The following LOC128706665 variants were observed in gnomAD, a reference collection of about 807,000 sequenced individuals.
chr20:10,433,781 G>A, the LOC128706665 span, among the ~76,000 whole-genome samples: 12 of 152,264 alleles, frequency 7.9e-5, no homozygotes, highest in African/African-American at 2.6e-4. Flanking sequence ...GGGAGGGGAC[G>A]GGGAGTCACA....
At chr20:10,428,843 CAATA>C in the LOC128706665 span, among the ~76,000 whole-genome samples, 98,534 of 150,978 alleles carry the variant, frequency 0.65, 32,612 homozygotes, top group Middle Eastern at 0.71. Context: ...GACTCCGTCT[CAATA>C]AATAAATAAA....
chr20:10,433,727 G>C, the LOC128706665 span, among the ~76,000 whole-genome samples: 1 of 152,114 alleles, frequency 6.6e-6, no homozygotes, highest in Non-Finnish European at 1.5e-5. Context: ...GGTACACCGT[G>C]CACCCTCCAG....
the LOC128706665 span, among the ~76,000 whole-genome samples, chr20:10,432,939 G>A: frequency 6.6e-6 from 1 of 152,098 alleles, no homozygotes; most frequent in South Asian, 2.1e-4. Context: ...CAGTGTTTAG[G>A]GAATGACAAG....
chr20:10,413,792 A>T, the LOC128706665 span: 1 of 562,842 alleles, frequency 1.8e-6, no homozygotes, highest in South Asian at 2.5e-5. Flanking sequence ...ACTGCTTTGC[A>T]GACCTCTGCA....
At chr20:10,428,358 A>C in the LOC128706665 span, among the ~76,000 whole-genome samples, 2 of 152,186 alleles carry the variant, frequency 1.3e-5, no homozygotes, top group Non-Finnish European at 2.9e-5. Flanking sequence ...TACAGCAAAC[A>C]CTTTATGTTC....
At chr20:10,425,288 T>C in the LOC128706665 span, among the ~76,000 whole-genome samples, 2 of 152,220 alleles carry the variant, frequency 1.3e-5, no homozygotes, top group African/African-American at 4.8e-5. Context: ...TTGATTATAA[T>C]GGCGATATCC....
At chr20:10,417,493 C>A in the LOC128706665 span, among the ~76,000 whole-genome samples, 1 of 152,110 alleles carries the variant, frequency 6.6e-6, no homozygotes, top group Non-Finnish European at 1.5e-5. Flanking sequence ...TGCCTATAGT[C>A]CCAGCTACTT....
At chr20:10,424,331 G>C in the LOC128706665 span, among the ~76,000 whole-genome samples, 2 of 152,004 alleles carry the variant, frequency 1.3e-5, no homozygotes, top group Admixed American at 1.3e-4. Context: ...TCAGGCAGGG[G>C]GACTGCTTGA....
the LOC128706665 span, among the ~76,000 whole-genome samples, chr20:10,428,589 A>G: frequency 3.3e-5 from 5 of 152,196 alleles, no homozygotes; most frequent in Admixed American, 3.3e-4. Context: ...CTCTAATTCC[A>G]GCACTCGGGG....
At chr20:10,429,080 C>A in the LOC128706665 span, among the ~76,000 whole-genome samples, 1 of 152,176 alleles carries the variant, frequency 6.6e-6, no homozygotes, top group East Asian at 1.9e-4. Flanking sequence ...CCTTTACCAT[C>A]TTCCTTCCCA....
the LOC128706665 span, among the ~76,000 whole-genome samples, chr20:10,426,627 G>T: frequency 6.6e-6 from 1 of 152,134 alleles, no homozygotes; most frequent in Non-Finnish European, 1.5e-5. Flanking sequence ...TCAACTCCTG[G>T]CCTCAAGTGA....
chr20:10,423,162 T>C, the LOC128706665 span, among the ~76,000 whole-genome samples: 1 of 152,000 alleles, frequency 6.6e-6, no homozygotes, highest in Non-Finnish European at 1.5e-5. Flanking sequence ...TAGGGCCAGG[T>C]GCAGTGGCTC....
At chr20:10,427,551 A>T in the LOC128706665 span, among the ~76,000 whole-genome samples, 1 of 152,182 alleles carries the variant, frequency 6.6e-6, no homozygotes, top group African/African-American at 2.4e-5. Flanking sequence ...TCATTTCTGA[A>T]TTCTCATCAT....
chr20:10,429,200 T>C, the LOC128706665 span, among the ~76,000 whole-genome samples: 34 of 152,294 alleles, frequency 2.2e-4, no homozygotes, highest in African/African-American at 7.9e-4. Context: ...TGGAAAGTGT[T>C]CTGACCATAA....
the LOC128706665 span, among the ~76,000 whole-genome samples, chr20:10,427,029 G>GACACACACACAGACAC: frequency 0.013 from 1,667 of 130,760 alleles, 18 homozygotes; most frequent in South Asian, 0.015. Context: ...AGAAAACACT[G>GACACACACACAGACAC]ACACACACAC....
chr20:10,433,470 A>G, the LOC128706665 span, among the ~76,000 whole-genome samples: 7 of 152,342 alleles, frequency 4.6e-5, no homozygotes, highest in East Asian at 1.2e-3. Flanking sequence ...AGACACGTGT[A>G]TATCTGTTTA....
At chr20:10,426,955 C>A in the LOC128706665 span, among the ~76,000 whole-genome samples, 22 of 151,206 alleles carry the variant, frequency 1.5e-4, no homozygotes, top group Non-Finnish European at 2.2e-4. Context: ...AGAGGGAGAA[C>A]TTGCTATGCT....
chr20:10,423,838 T>C, the LOC128706665 span, among the ~76,000 whole-genome samples: 22 of 152,342 alleles, frequency 1.4e-4, no homozygotes, highest in South Asian at 4.4e-3. Context: ...GAAAACTCTA[T>C]TTGCTAAACA....
the LOC128706665 span, among the ~76,000 whole-genome samples, chr20:10,417,727 A>C: frequency 6.6e-6 from 1 of 152,236 alleles, no homozygotes; most frequent in East Asian, 1.9e-4. Context: ...TATATGAAAC[A>C]ACATGATTAC....
Sources: gnomAD v4.1 joint callset for allele counts (sites outside exome capture counted in the v4.1 genomes callset) on GRCh38, gnomAD v4.1.1 for gene constraint, MANE v1.5 for transcripts.